HECW2: variants seen among roughly 807,000 people sequenced by gnomAD.
HECW2 encodes the protein E3 ubiquitin-protein ligase HECW2.
In HECW2, 61 loss-of-function variants were observed where a neutral mutation model predicts 175.2. The ratio of observed to expected loss-of-function variants is 0.35; its 90% CI spans 0.28 to 0.43. The LOEUF (loss-of-function observed/expected upper bound fraction) is 0.43. Among genes scored for constraint, HECW2 ranks in the 20% least tolerant of loss-of-function variants. HECW2 has a pLI of 1.00. For missense variants in HECW2, 1,524 were observed against 2,000.5 expected (o/e 0.76, Z 4.54); for synonymous variants, 671 against 731.0 (o/e 0.92, Z 1.32).
intron 14 of HECW2, among the ~76,000 whole-genome samples, chr2:196,281,941 G>T (rs1271266696): frequency 6.6e-6 from 1 of 152,132 alleles, no homozygotes; most frequent in Non-Finnish European, 1.5e-5. Context: ...GTTAAATGGG[G>T]ATCATAACTA....
chr2:196,512,251 T>G (rs981003991), intron 1 of HECW2, among the ~76,000 whole-genome samples: 4 of 152,236 alleles, frequency 2.6e-5, no homozygotes, highest in African/African-American at 9.6e-5. Context: ...GAAAATATTT[T>G]CATGTGAAAC....
intron 17 of HECW2, among the ~76,000 whole-genome samples, chr2:196,262,279 A>G (rs1275422497): frequency 2.0e-5 from 3 of 152,176 alleles, no homozygotes; most frequent in Non-Finnish European, 4.4e-5. Flanking sequence ...CTCCTGCCTC[A>G]GCCTCCCAAA....
intron 1 of HECW2, among the ~76,000 whole-genome samples, chr2:196,471,387 C>T (rs888521621): frequency 1.9e-4 from 29 of 152,266 alleles, no homozygotes; most frequent in African/African-American, 6.7e-4. Context: ...TTAATTCATC[C>T]TTTGTGGAAA....
At chr2:196,593,430 C>A (rs1057073481) in intron 1 of HECW2, 78 bp downstream of exon 1, 1 of 152,174 alleles carries the variant, frequency 6.6e-6, no homozygotes, top group African/African-American at 2.4e-5. Context: ...CCGCCACCTT[C>A]CTCCCGCCCG....
chr2:196,305,023 A>G (rs1691206330), intron 13 of HECW2, among the ~76,000 whole-genome samples: 1 of 152,158 alleles, frequency 6.6e-6, no homozygotes, highest in South Asian at 2.1e-4. Context: ...CTAATCTCAA[A>G]TCCAAACCTG....
In HECW2 at chr2:196,387,695, T is replaced by G. The variant is rs552503393; in HGVS notation, c.293-43931A>C. Among the ~76,000 whole-genome samples, 51 of 152,248 alleles carry G rather than the reference T, an allele frequency of 3.3e-4. 1 individual carries two copies. The South Asian group carries it at 3.5e-3, about 11-fold the overall frequency. The stretch of plus-strand genomic sequence containing the variant: ...ATAGATATATCTACATATCTATATA[T>G]AGAGAGAGATATATATATCTCCAGG... On this transcript the variant is annotated intron_variant, in intron 2 of 28. Coordinates refer to ENST00000644978, the MANE Select transcript of HECW2 (RefSeq NM_001348768.2).
intron 1 of HECW2, among the ~76,000 whole-genome samples, chr2:196,531,538 G>A (rs370879816): frequency 3.3e-5 from 5 of 151,670 alleles, no homozygotes; most frequent in Non-Finnish European, 7.4e-5. Flanking sequence ...GATGGGCACC[G>A]GTAATCCCAG....
chr2:196,221,934 C>A (rs778669353), intron 24 of HECW2, among the ~76,000 whole-genome samples: 4 of 152,130 alleles, frequency 2.6e-5, no homozygotes, highest in Non-Finnish European at 5.9e-5. Context: ...AAGGTAAATT[C>A]TCATATTTTG....
chr2:196,578,378 C>T (rs1470446847), intron 1 of HECW2, among the ~76,000 whole-genome samples: 3 of 151,942 alleles, frequency 2.0e-5, no homozygotes, highest in African/African-American at 7.3e-5. Flanking sequence ...CTGTGAAACA[C>T]CCACAAGCAA....
chr2:196,361,741 A>C (rs1302323957), intron 2 of HECW2: 2 of 954,862 alleles, frequency 2.1e-6, no homozygotes, highest in Non-Finnish European at 2.5e-6. Context: ...GAAAACTGTA[A>C]ATCCCAAACA....
chr2:196,300,605 A>G (rs1691007742), intron 13 of HECW2, among the ~76,000 whole-genome samples: 1 of 152,206 alleles, frequency 6.6e-6, no homozygotes, highest in African/African-American at 2.4e-5. Flanking sequence ...AATCAACAAA[A>G]GCATTCAGTG....
intron 28 of HECW2, among the ~76,000 whole-genome samples, chr2:196,208,528 T>G (rs1193047425): frequency 6.6e-6 from 1 of 152,144 alleles, no homozygotes; most frequent in Non-Finnish European, 1.5e-5. Flanking sequence ...TAACTGAACA[T>G]GATGACTGAA....
chr2:196,290,023 G>C (rs2106023130), intron 14 of HECW2: 1 of 152,316 alleles, frequency 6.6e-6, no homozygotes, highest in Middle Eastern at 3.4e-3. Flanking sequence ...TCAGGCTAAA[G>C]TGATAAGCTT....
chr2:196,200,965 A>C lies in HECW2; in HGVS notation c.*312T>G, dbSNP rs1686834890. 1.5e-5 allele frequency: 3 copies of C among 199,482 alleles called. No individual in the cohort carries two copies. The highest frequency in any genetic ancestry group is 3.1e-5 in the Non-Finnish European group (3 of 96,322). 12.4% of individuals were successfully genotyped at this position (199,482 alleles called of 1,614,324 possible). A position where few individuals can be genotyped will look rare whatever the true frequency, so the allele number is the denominator to read the frequency against. On this transcript the variant is annotated 3_prime_UTR_variant, in exon 29 of 29. Transcript: ENST00000644978. Reference sequence around the variant, plus strand: ...TTCAAGATTCTCCTGAGTCCCTAAAAATTACCGTGGAGCTGATCATGTATG... The same window carrying C: ...TTCAAGATTCTCCTGAGTCCCTAAACATTACCGTGGAGCTGATCATGTATG...
chr2:196,251,228 C>T (rs1688841535), intron 19 of HECW2, among the ~76,000 whole-genome samples: 1 of 152,176 alleles, frequency 6.6e-6, no homozygotes, highest in Non-Finnish European at 1.5e-5. Context: ...CTCTGTGAAA[C>T]CCGGCTCCCC....
chr2:196,537,967 A>C (rs1689075481), intron 1 of HECW2, among the ~76,000 whole-genome samples: 1 of 152,090 alleles, frequency 6.6e-6, no homozygotes, highest in Non-Finnish European at 1.5e-5. Context: ...CTTTCTTAAT[A>C]AATTTGCTTT....
At chr2:196,362,205 G>A (rs1301016640) in intron 2 of HECW2, 7 of 985,222 alleles carry the variant, frequency 7.1e-6, no homozygotes, top group Non-Finnish European at 7.2e-6. Flanking sequence ...CCCCTCGGCT[G>A]AGGCAGTCGT....
At chr2:196,407,495 C>G (rs954044381) in intron 2 of HECW2, among the ~76,000 whole-genome samples, 19 of 152,294 alleles carry the variant, frequency 1.2e-4, no homozygotes, top group African/African-American at 3.6e-4. Context: ...AGCCAGCACA[C>G]CTGGCTCAAA....
intron 28 of HECW2, among the ~76,000 whole-genome samples, chr2:196,204,313 C>T (rs1686986784): frequency 6.6e-6 from 1 of 151,770 alleles, no homozygotes; most frequent in Non-Finnish European, 1.5e-5. Context: ...TCTCTACATC[C>T]TCACCAACAC....
Sources: gnomAD v4.1 joint callset for allele counts (sites outside exome capture counted in the v4.1 genomes callset) on GRCh38, gnomAD v4.1.1 for gene constraint, MANE v1.5 for transcripts, NCBI Gene and HGNC (gene_info 2026-07-23, HGNC 2026-07-21) for gene names.